Variants in TMEM41A observed in about 807,000 individuals in gnomAD.
The protein encoded by TMEM41A is transmembrane protein 41A.
A neutral mutation model predicts 25.7 loss-of-function variants in TMEM41A; 20 were observed. The observed-to-expected ratio is 0.78, with a 90% CI of 0.55 to 1.13. The LOEUF is 1.13. TMEM41A is among the 50% of genes most tolerant of loss of function. The pLI is 0.00. For missense variants in TMEM41A, 299 were observed against 314.3 expected (o/e 0.95, Z 0.37); for synonymous variants, 133 against 139.6 (o/e 0.95, Z 0.33).
At position 185,491,575 on chromosome 3, in the gene TMEM41A, T is replaced by G; in HGVS notation, c.757A>C (p.Ser253Arg). 6.2e-7 allele frequency: 1 copy of G among 1,614,202 alleles called. No homozygotes were observed. The highest frequency in any genetic ancestry group is 1.3e-5 in the African/African-American group (1 of 75,066). The change falls in exon 5 of 5, where the codon AGT becomes CGT. Residue 253 changes from serine to arginine, a missense_variant. Physicochemically the swap from Ser to Arg is moderately radical, Grantham distance 110 (BLOSUM62 -1). Coordinates refer to ENST00000421852, the MANE Select transcript of TMEM41A (RefSeq NM_080652.4). Reference sequence around the variant, plus strand: ...CTACTGTGTATATGATTAGCAGTACTTGTTTCATTCAATTGCAGATGTTTC... The same window carrying G: ...CTACTGTGTATATGATTAGCAGTACGTGTTTCATTCAATTGCAGATGTTTC... ...SQKHLQLNETSTANHIHSRKD... is the reference protein window; with the variant it reads ...SQKHLQLNETRTANHIHSRKD...
At position 185,490,039 on chromosome 3, in the gene TMEM41A, GA is replaced by G. The variant is rs1461401305; in HGVS notation, c.*1497del. 3 of 152,194 alleles carry G rather than the reference GA, an allele frequency of 2.0e-5. No homozygotes were observed. The highest frequency in any genetic ancestry group is 2.9e-5 in the Non-Finnish European group (2 of 68,054). 9.4% of individuals were successfully genotyped at this position (152,194 alleles called of 1,614,324 possible). On this transcript the variant is annotated 3_prime_UTR_variant, in exon 5 of 5. Transcript: ENST00000421852. ...GCCAAACCAAATCATCAACCCAGCA[GA>G]TGATGCCCAAAAGCAGCAGTCTGGT...
At chr3:185,496,402 G>A in intron 2 of TMEM41A, 2 of 252,118 alleles carry the variant, frequency 7.9e-6, no homozygotes, top group Admixed American at 4.7e-5. Flanking sequence ...TGGATGTGGA[G>A]CCCCCACCAA....
At chr3:185,493,421 TG>T (rs1719013655) in intron 4 of TMEM41A, 1 of 152,186 alleles carries the variant, frequency 6.6e-6, no homozygotes. Flanking sequence ...ACCTGGAAAA[TG>T]TTAAAAGATC....
intron 2 of TMEM41A, chr3:185,495,580 G>A (rs1047196398): frequency 1.9e-5 from 9 of 482,882 alleles, no homozygotes; most frequent in African/African-American, 1.2e-4. Flanking sequence ...AGCTAGGACT[G>A]TAGGCACACA....
chr3:185,498,756 C>G, intron 1 of TMEM41A, 87 bp downstream of exon 1: 1 of 1,009,744 alleles, frequency 9.9e-7, no homozygotes. Context: ...GATACCGGAA[C>G]CCGAATCTCC....
intron 3 of TMEM41A, 64 bp from the exon 4 acceptor site, chr3:185,494,825 T>A (rs1420368443): frequency 6.6e-7 from 1 of 1,519,452 alleles, no homozygotes; most frequent in African/African-American, 1.4e-5. Flanking sequence ...GAAAACCTGC[T>A]GGTGCCAGGC....
At position 185,495,230 on chromosome 3, in the gene TMEM41A, T is replaced by TA. The variant is rs756129876; in HGVS notation, c.358dup (p.Tyr120LeufsTer18). 1 of 1,598,738 alleles carries TA rather than the reference T, an allele frequency of 6.3e-7. No homozygotes were observed. Among genetic ancestry groups the TA allele is most frequent in the Non-Finnish European group, 8.5e-7 (1 of 1,172,660 alleles). ...TTTGCCAAAAATACTGGAGAGCAGG[T>TA]AGCAGCATGTGGCACCCACCGAGGT... On this transcript the variant is annotated frameshift_variant, in exon 3 of 5. Coordinates refer to ENST00000421852, the MANE Select transcript of TMEM41A (RefSeq NM_080652.4). LOFTEE classifies it high-confidence loss of function.
chr3:185,493,548 GCTT>G (rs1467690674), intron 4 of TMEM41A: 3 of 151,788 alleles, frequency 2.0e-5, no homozygotes, highest in Admixed American at 2.0e-4. Flanking sequence ...TTGTTTTTTT[GCTT>G]TTTTTCTTGA....
At position 185,495,243 on chromosome 3, in the gene TMEM41A, C is replaced by A. The variant is rs755847671; in HGVS notation, c.346G>T (p.Ala116Ser). The change falls in exon 3 of 5, where the codon GCC (alanine) becomes TCC (serine). Residue 116 changes from alanine (A) to serine (S), a missense_variant. By Grantham distance (99) the Ala-to-Ser change is moderately conservative. Coordinates refer to ENST00000421852, the MANE Select transcript of TMEM41A (RefSeq NM_080652.4). ...LLCCVLTSVG[A>S]TCCYLLSSIF... ...CTGGAGAGCAGGTAGCAGCATGTGG[C>A]ACCCACCGAGGTCAACACACAGCAC... is the stretch of plus-strand genomic sequence containing the variant. 19 of 1,613,918 alleles carry A rather than the reference C, an allele frequency of 1.2e-5. No homozygotes were observed. The East Asian group carries it at 4.2e-4, about 36-fold the overall frequency.
At chr3:185,495,351 C>G in intron 2 of TMEM41A, 36 bp from the exon 3 acceptor site, 2 of 1,597,178 alleles carry the variant, frequency 1.3e-6, no homozygotes, top group Non-Finnish European at 1.7e-6. Context: ...ATGTGAACAT[C>G]TGGCAGCTAC....
intron 2 of TMEM41A, 140 bp downstream of exon 2, chr3:185,496,688 C>CT (rs1350679463): frequency 1.9e-6 from 2 of 1,078,186 alleles, no homozygotes; most frequent in East Asian, 2.6e-5. Context: ...TCCGTAAGTG[C>CT]TGAGGGCCAC....
chr3:185,495,235 G>A lies in TMEM41A; in HGVS notation c.354C>T (p.Cys118=). 6.5e-7 allele frequency: 1 copy of A among 1,536,752 alleles called. No homozygotes were observed. The highest frequency in any genetic ancestry group is 8.8e-7 in the Non-Finnish European group (1 of 1,141,008). ...CCVLTSVGAT[C]CYLLSSIFGK... ...CAAAAATACTGGAGAGCAGGTAGCA[G>A]CATGTGGCACCCACCGAGGTCAACA... is the stretch of plus-strand genomic sequence containing the variant. The change falls in exon 3 of 5, where the codon TGC becomes TGT. Residue 118 remains cysteine, a synonymous_variant. Transcript: ENST00000421852.
Position 185,498,865 on chromosome 3 carries a change from A to C in TMEM41A, c.97T>G (p.Ser33Ala), listed in dbSNP as rs1348746192. 6.2e-7 allele frequency: 1 copy of C among 1,604,620 alleles called. No homozygotes were observed. Among genetic ancestry groups the C allele is most frequent in the Non-Finnish European group, 8.5e-7 (1 of 1,176,696 alleles). ...CACCTGCCTCCAGCCTCCTCGGTGG[A>C]GCCCAGTCTCCGCCCGCGGGGCAGT... is the stretch of plus-strand genomic sequence containing the variant. Reference protein sequence around the residue: ...TRLPRGRRLGSTEEAGGRSLW... With the variant: ...TRLPRGRRLGATEEAGGRSLW... The change falls in exon 1 of 5, where the codon TCC (serine) becomes GCC (alanine). Residue 33 changes from serine (S) to alanine (A), a missense_variant. Coordinates refer to ENST00000421852, the MANE Select transcript of TMEM41A (RefSeq NM_080652.4).
At chr3:185,495,432 C>T (rs1301679059) in intron 2 of TMEM41A, 117 bp from the exon 3 acceptor site, 3 of 915,010 alleles carry the variant, frequency 3.3e-6, no homozygotes, top group Non-Finnish European at 4.9e-6. Context: ...CAGCTAAAAC[C>T]CAATTGCGTT....
Position 185,491,600 on chromosome 3 carries a change from C to A in TMEM41A, c.732G>T (p.Gln244His), listed in dbSNP as rs1237015215. The A allele has an allele frequency of 1.2e-6, 2 of 1,614,196 alleles. No individual in the cohort carries two copies. Among genetic ancestry groups the A allele is most frequent in the East Asian group, 4.5e-5 (2 of 44,884 alleles). The change falls in exon 5 of 5, where the codon CAG becomes CAT. Residue 244 changes from glutamine (Q) to histidine (H), a missense_variant. Coordinates refer to ENST00000421852, the MANE Select transcript of TMEM41A (RefSeq NM_080652.4). Reference sequence around the variant, plus strand: ...TTGTTTCATTCAATTGCAGATGTTTCTGACTAAATTTTTTAATGAGGGTTC... The same window carrying A: ...TTGTTTCATTCAATTGCAGATGTTTATGACTAAATTTTTTAATGAGGGTTC... ...IPGTLIKKFS[Q>H]KHLQLNETST... is the part of the protein sequence containing the mutation.
rs930072738 is a variant in TMEM41A, at chr3:185,490,284, C to T, written c.*1253G>A. On this transcript the variant is annotated 3_prime_UTR_variant, in exon 5 of 5. Coordinates refer to ENST00000421852, the MANE Select transcript of TMEM41A (RefSeq NM_080652.4). ...GAATTAAAAGATAAATTAAAAGATA[C>T]AATTGTTTAGTTACTCTAAGCAAAT... 3 of 152,176 alleles carry T rather than the reference C, an allele frequency of 2.0e-5. No homozygotes were observed. The highest frequency in any genetic ancestry group is 4.4e-5 in the Non-Finnish European group (3 of 68,030). 9.4% of individuals were successfully genotyped at this position (152,176 alleles called of 1,614,324 possible). A position where few individuals can be genotyped will look rare whatever the true frequency, so the allele number is the denominator to read the frequency against.
intron 2 of TMEM41A, 154 bp from the exon 3 acceptor site, chr3:185,495,469 C>T: frequency 1.4e-6 from 1 of 712,290 alleles, no homozygotes; most frequent in East Asian, 2.7e-5. Context: ...GAAACAGGAT[C>T]TCGCTCTGTC....
In TMEM41A at chr3:185,491,463, G is replaced by A; in HGVS notation, c.*74C>T. 8.2e-7 allele frequency: 1 copy of A among 1,220,324 alleles called. No homozygotes were observed. The highest frequency in any genetic ancestry group is 1.2e-6 in the Non-Finnish European group (1 of 844,294). 75.6% of individuals were successfully genotyped at this position (1,220,324 alleles called of 1,614,324 possible). A position where few individuals can be genotyped will look rare whatever the true frequency, so the allele number is the denominator to read the frequency against. ...TATAGAAGGCAATCAAAAACAATGA[G>A]GGGCTTTAGAGGACCACATCCATTA... On this transcript the variant is annotated 3_prime_UTR_variant, in exon 5 of 5. Transcript: ENST00000421852.
At position 185,494,738 on chromosome 3, in the gene TMEM41A, C is replaced by A. The variant is rs760956739; in HGVS notation, c.459G>T (p.Leu153Phe). The change falls in exon 4 of 5, where the codon TTG becomes TTT. Residue 153 changes from leucine to phenylalanine, a missense_variant. Coordinates refer to ENST00000421852, the MANE Select transcript of TMEM41A (RefSeq NM_080652.4). ...GTCTCAAAAACAATAAGAAAAAAAA[C>A]AAGCTGTTTCTGTTCTCCTCCACCT... is the stretch of plus-strand genomic sequence containing the variant. ...QRKVEENRNS[L>F]FFFLLFLRLF... 1.2e-6 allele frequency: 2 copies of A among 1,611,268 alleles called. No homozygotes were observed. Among genetic ancestry groups the A allele is most frequent in the Non-Finnish European group, 1.7e-6 (2 of 1,179,114 alleles).
Sources: gnomAD v4.1 joint callset for allele counts on GRCh38, gnomAD v4.1.1 for gene constraint, MANE v1.5 for transcripts, NCBI Gene and HGNC (gene_info 2026-07-23, HGNC 2026-07-21) for gene names.